Variants in SIDT1 observed in about 807,000 individuals in gnomAD.
SIDT1 encodes the protein SID1 transmembrane family, member 1.
SIDT1 carries 101 observed loss-of-function variants against 107.5 expected under a neutral mutation model. That is an observed-to-expected ratio of 0.94 (90% confidence interval 0.80 to 1.11). The LOEUF (loss-of-function observed/expected upper bound fraction) is 1.11, where lower values mean the gene tolerates loss of function less well. Ranked by LOEUF, SIDT1 falls within the 50% of genes least tolerant of loss-of-function variation. The pLI is 0.00. For synonymous variants in SIDT1, 395 were observed against 398.2 expected, an observed-to-expected ratio of 0.99 and a Z score of 0.10; for missense variants, 1,076 against 1,058.2, an observed-to-expected ratio of 1.02 and a Z score of -0.23.
rs945814911 is a variant in SIDT1 at position 113,583,340 on chromosome 3, A to AC, written c.748-64dup. On this transcript the variant is annotated intron_variant, in intron 6 of 24. Transcript: ENST00000264852. ...CTCTTTCCTCTTTCTTTCTGCCCCT[A>AC]CCCCCAGGGACTTTCTCCCTTCTAC... The AC allele has an allele frequency of 3.5e-5, 41 of 1,166,258 alleles. No homozygotes were observed. The Middle Eastern group carries it at 6.1e-4, about 17-fold the overall frequency. 72.2% of individuals were successfully genotyped at this position (1,166,258 alleles called of 1,614,324 possible).
chr3:113,535,358 G>A (rs1938017567), intron 1 of SIDT1, among the ~76,000 whole-genome samples: 1 of 152,022 alleles, frequency 6.6e-6, no homozygotes, highest in African/African-American at 2.4e-5. Context: ...GTGAATAAAG[G>A]GTTATTAGCT....
At position 113,627,804 on chromosome 3, in the gene SIDT1, C is replaced by CTA; in HGVS notation, c.*96_*97insTA. 2 of 1,131,504 alleles carry CTA rather than the reference C, an allele frequency of 1.8e-6. No homozygotes were observed. The highest frequency in any genetic ancestry group is 2.7e-6 in the Non-Finnish European group (2 of 750,468). The allele number at this position is 1,131,504 out of a possible 1,614,324, so 70.1% of individuals were successfully genotyped here. ...AGCAAAGTAACCACTGCCAGATGCT[C>CTA]CACTCACCCTCTGTAGAGCCAACTC... On this transcript the variant is annotated 3_prime_UTR_variant, in exon 25 of 25. Transcript: ENST00000264852.
chr3:113,546,880 C>T (rs2669909), intron 1 of SIDT1, among the ~76,000 whole-genome samples: 46,445 of 151,946 alleles, frequency 0.31, 8,205 homozygotes, highest in African/African-American at 0.49. Flanking sequence ...CTTCCTACAT[C>T]GTTTAACTTT....
intron 3 of SIDT1, among the ~76,000 whole-genome samples, chr3:113,569,383 A>T (rs981280632): frequency 6.6e-6 from 1 of 152,158 alleles, no homozygotes; most frequent in African/African-American, 2.4e-5. Flanking sequence ...TAATTTTTTA[A>T]AAAATCGGAA....
chr3:113,543,147 G>T (rs1292419448), intron 1 of SIDT1, among the ~76,000 whole-genome samples: 3 of 151,920 alleles, frequency 2.0e-5, no homozygotes, highest in African/African-American at 4.8e-5. Context: ...CACCATTTTG[G>T]CCAGGTTGGT....
intron 1 of SIDT1, among the ~76,000 whole-genome samples, chr3:113,556,388 A>G (rs946135216): frequency 4.0e-5 from 6 of 151,756 alleles, no homozygotes; most frequent in Non-Finnish European, 7.3e-5. Flanking sequence ...AATGAGAATT[A>G]CTAACTTCTG....
chr3:113,587,479 A>G (rs6799125), intron 9 of SIDT1, among the ~76,000 whole-genome samples: 65,151 of 152,062 alleles, frequency 0.43, 14,348 homozygotes, highest in East Asian at 0.67. Flanking sequence ...CTAATATTTA[A>G]CAGGTGCCTG....
At position 113,608,469 on chromosome 3, in the gene SIDT1, A is replaced by G. The variant is rs141573036; in HGVS notation, c.1653A>G (p.Ala551=). Residue 551 remains alanine, a synonymous_variant, in exon 17 of 25, where the codon GCA becomes GCG. Coordinates refer to ENST00000264852, the MANE Select transcript of SIDT1 (RefSeq NM_017699.3). ...HFGLFYAMGI[A]LMMEGVLSAC... ...GTCTCTTCTACGCTATGGGCATTGC[A>G]TTGATGATGGAAGGGGTGCTCAGTG... The G allele has an allele frequency of 5.0e-6, 8 of 1,613,988 alleles. No homozygotes were observed. Among genetic ancestry groups the G allele is most frequent in the Non-Finnish European group, 6.8e-6 (8 of 1,180,000 alleles).
chr3:113,576,670 C>T (rs1942927890), intron 3 of SIDT1, among the ~76,000 whole-genome samples: 1 of 152,104 alleles, frequency 6.6e-6, no homozygotes, highest in African/African-American at 2.4e-5. Context: ...ATAGATATGG[C>T]TTCATGGATA....
intron 1 of SIDT1, among the ~76,000 whole-genome samples, chr3:113,558,895 C>T (rs769171773): frequency 3.3e-5 from 5 of 152,164 alleles, no homozygotes; most frequent in African/African-American, 1.2e-4. Flanking sequence ...AATAAAAATA[C>T]TGTATTGTTT....
rs542875587 is a variant in SIDT1 at position 113,617,764 on chromosome 3, A to G, written c.2043+1588A>G. Among the ~76,000 whole-genome samples, 14 of 152,282 alleles carry G rather than the reference A, an allele frequency of 9.2e-5. No individual in the cohort carries two copies. The South Asian group carries it at 2.9e-3, about 32-fold the overall frequency. Reference sequence around the variant, plus strand: ...GAGGCTTCCTTTTTTAATAGACTTTATATTTTTTTAGAGCAGCTTTACATC... The same window carrying G: ...GAGGCTTCCTTTTTTAATAGACTTTGTATTTTTTTAGAGCAGCTTTACATC... On this transcript the variant is annotated intron_variant, in intron 20 of 24. Transcript: ENST00000264852.
At chr3:113,574,211 T>C (rs141615956) in intron 3 of SIDT1, among the ~76,000 whole-genome samples, 13 of 152,270 alleles carry the variant, frequency 8.5e-5, no homozygotes, top group African/African-American at 2.4e-4. Context: ...CAGAGAATGA[T>C]AGAAAGAATG....
downstream of SIDT1, among the ~76,000 whole-genome samples, chr3:113,632,022 A>G (rs1947098564): frequency 6.6e-6 from 1 of 152,102 alleles, no homozygotes; most frequent in African/African-American, 2.4e-5. Context: ...CCTGTCATCT[A>G]AGTTTTATTC....
rs1945638964 is a variant in SIDT1, at chr3:113,610,263, A to G, written c.1721-745A>G. Among the ~76,000 whole-genome samples, 3 of 152,320 alleles carry G rather than the reference A, an allele frequency of 2.0e-5. No homozygotes were observed. In the South Asian group the frequency reaches 6.2e-4, roughly 32 times the overall value. ...AGAGAGGTTCCTTGGGATACCTAGA[A>G]GTAGAATTTTTCAGTTACTTGGTTT... is the stretch of plus-strand genomic sequence containing the variant. On this transcript the variant is annotated intron_variant, in intron 17 of 24. Coordinates refer to ENST00000264852, the MANE Select transcript of SIDT1 (RefSeq NM_017699.3).
intron 1 of SIDT1, among the ~76,000 whole-genome samples, chr3:113,547,077 A>G (rs897209457): frequency 3.3e-5 from 5 of 152,108 alleles, no homozygotes; most frequent in African/African-American, 9.7e-5. Context: ...ACACATAAAA[A>G]CCAACTTCAC....
At chr3:113,604,431 C>T (rs947027012) in intron 13 of SIDT1, among the ~76,000 whole-genome samples, 3 of 152,178 alleles carry the variant, frequency 2.0e-5, no homozygotes, top group Admixed American at 6.5e-5. Context: ...TCACGTGATC[C>T]GTCACTCATT....
chr3:113,623,585 G>A lies in SIDT1; in HGVS notation c.2197-38G>A, dbSNP rs765416310. 24 of 1,600,448 alleles carry A rather than the reference G, an allele frequency of 1.5e-5. No homozygotes were observed. In the South Asian group the frequency reaches 2.0e-4, roughly 13 times the overall value. On this transcript the variant is annotated intron_variant, in intron 22 of 24. Transcript: ENST00000264852. ...CTCGGGCCCTCGGGCAGGCGAAGGC[G>A]GGGTCGCGTGAGGCCGCATCTGCTT...
intron 20 of SIDT1, among the ~76,000 whole-genome samples, chr3:113,618,258 A>C (rs1424721311): frequency 6.6e-6 from 1 of 152,090 alleles, no homozygotes; most frequent in Non-Finnish European, 1.5e-5. Context: ...TTGATAGCTC[A>C]TTTGTATTTA....
intron 19 of SIDT1, 69 bp downstream of exon 19, chr3:113,612,263 A>G: frequency 9.1e-7 from 1 of 1,096,490 alleles, no homozygotes; most frequent in Non-Finnish European, 1.4e-6. Context: ...CACTGCCTTT[A>G]CTTATGCTGA....
Sources: gnomAD v4.1 joint callset for allele counts (sites outside exome capture counted in the v4.1 genomes callset) on GRCh38, gnomAD v4.1.1 for gene constraint, MANE v1.5 for transcripts, NCBI Gene and HGNC (gene_info 2026-07-23, HGNC 2026-07-21) for gene names.